The following MYO3B variants were observed in gnomAD, a reference collection of about 807,000 sequenced individuals.
MYO3B encodes the protein myosin IIIB.
A neutral mutation model predicts 174.6 loss-of-function variants in MYO3B; 156 were observed. That is an observed-to-expected ratio of 0.89 (90% CI 0.78 to 1.02). The LOEUF (loss-of-function observed/expected upper bound fraction) is 1.02, where lower values mean the gene tolerates loss of function less well. MYO3B is among the 50% of genes least tolerant of loss of function. The pLI, the probability that MYO3B is intolerant of heterozygous loss-of-function variation, is 0.00. For synonymous variants in MYO3B, 563 were observed against 569.1 expected, an observed-to-expected ratio of 0.99 and a Z score of 0.15; for missense variants, 1,632 against 1,639.4, an observed-to-expected ratio of 1.00 and a Z score of 0.08.
rs56257378 is a variant in MYO3B at position 170,476,073 on chromosome 2, T to TCC, written c.3014+9369_3014+9370dup. Among the ~76,000 whole-genome samples, 1,090 of 151,630 alleles carry TCC rather than the reference T, an allele frequency of 7.2e-3. 33 individuals carry two copies. The highest frequency in any genetic ancestry group is 0.047 in the Admixed American group (721 of 15,234). On this transcript the variant is annotated intron_variant, in intron 25 of 34. Coordinates refer to ENST00000408978, the MANE Select transcript of MYO3B (RefSeq NM_138995.5). ...CCTTTTGAAATGGGAGTGTTCCCTG[T>TCC]CCCCCCCCACAGGACATGCGACAAG...
At chr2:170,457,363 A>C (rs1683966583) in intron 23 of MYO3B, among the ~76,000 whole-genome samples, 1 of 152,148 alleles carries the variant, frequency 6.6e-6, no homozygotes, top group Non-Finnish European at 1.5e-5. Flanking sequence ...TGTCTAAAAG[A>C]CTTTTTCACT....
chr2:170,618,399 C>G (rs539500829), intron 32 of MYO3B, among the ~76,000 whole-genome samples: 2 of 152,254 alleles, frequency 1.3e-5, no homozygotes, highest in Admixed American at 1.3e-4. Flanking sequence ...ACAAGTTGTT[C>G]AGGATGGCTG....
chr2:170,371,680 A>G (rs2094245910), intron 9 of MYO3B, among the ~76,000 whole-genome samples: 1 of 129,250 alleles, frequency 7.7e-6, no homozygotes, highest in Non-Finnish European at 1.6e-5. Context: ...TGGTTTTTCA[A>G]GTTAAAGCAG....
intron 32 of MYO3B, among the ~76,000 whole-genome samples, chr2:170,560,565 G>A (rs899227057): frequency 2.0e-5 from 3 of 152,144 alleles, no homozygotes; most frequent in African/African-American, 7.2e-5. Context: ...TTAAATTGGT[G>A]CCAGTATTTT....
At chr2:170,303,392 C>G (rs2093678895) in intron 7 of MYO3B, among the ~76,000 whole-genome samples, 1 of 152,104 alleles carries the variant, frequency 6.6e-6, no homozygotes, top group Non-Finnish European at 1.5e-5. Context: ...AATCTCCATC[C>G]ATCTTATGGG....
chr2:170,476,182 G>T (rs1359276243), intron 25 of MYO3B, among the ~76,000 whole-genome samples: 1 of 152,228 alleles, frequency 6.6e-6, no homozygotes, highest in Non-Finnish European at 1.5e-5. Context: ...TGCAGGAGCT[G>T]GGACAAGCGC....
chr2:170,525,765 C>T (rs1688957583), intron 30 of MYO3B, among the ~76,000 whole-genome samples: 1 of 152,174 alleles, frequency 6.6e-6, no homozygotes, highest in Non-Finnish European at 1.5e-5. Flanking sequence ...AATTGATGAG[C>T]CAGAGAAACA....
At chr2:170,583,020 C>G (rs1220915186) in intron 32 of MYO3B, among the ~76,000 whole-genome samples, 1 of 152,012 alleles carries the variant, frequency 6.6e-6, no homozygotes, top group Non-Finnish European at 1.5e-5. Context: ...TCCCCCTGCC[C>G]TGGAGTGCTG....
At chr2:170,291,598 T>G (rs974377678) in intron 7 of MYO3B, among the ~76,000 whole-genome samples, 1 of 152,198 alleles carries the variant, frequency 6.6e-6, no homozygotes, top group Non-Finnish European at 1.5e-5. Flanking sequence ...TTATAATTTC[T>G]TGTAAAATAT....
chr2:170,521,160 ATAAAT>A (rs1328512149), intron 30 of MYO3B, among the ~76,000 whole-genome samples: 1 of 152,214 alleles, frequency 6.6e-6, no homozygotes, highest in African/African-American at 2.4e-5. Context: ...TTGAGACTTG[ATAAAT>A]TAAATTCTTA....
chr2:170,186,961 T>A (rs1436469070), intron 1 of MYO3B, among the ~76,000 whole-genome samples: 4 of 152,040 alleles, frequency 2.6e-5, no homozygotes, highest in African/African-American at 7.2e-5. Flanking sequence ...TGGTATCAGT[T>A]GTAATGTCTC....
chr2:170,253,914 G>C (rs1235950477), intron 7 of MYO3B, among the ~76,000 whole-genome samples: 1 of 152,066 alleles, frequency 6.6e-6, no homozygotes, highest in East Asian at 1.9e-4. Flanking sequence ...GCAGTGATAA[G>C]ACGGCTGATT....
At chr2:170,630,942 G>A (rs1290346417) in intron 32 of MYO3B, among the ~76,000 whole-genome samples, 1 of 152,348 alleles carries the variant, frequency 6.6e-6, no homozygotes, top group East Asian at 1.9e-4. Context: ...AAACCACAAA[G>A]ATGGGAAGAT....
intron 8 of MYO3B, among the ~76,000 whole-genome samples, chr2:170,360,389 G>A (rs1411051288): frequency 2.0e-5 from 3 of 152,072 alleles, no homozygotes; most frequent in Admixed American, 2.0e-4. Flanking sequence ...TTACCCAAAG[G>A]CATGAACTTG....
intron 7 of MYO3B, among the ~76,000 whole-genome samples, chr2:170,250,921 C>G (rs1159167841): frequency 6.6e-6 from 1 of 151,762 alleles, no homozygotes; most frequent in African/African-American, 2.4e-5. Flanking sequence ...CATTCGTCTG[C>G]TTGTCTGTGC....
intron 30 of MYO3B, among the ~76,000 whole-genome samples, chr2:170,527,721 G>A (rs1689094138): frequency 6.6e-6 from 1 of 152,218 alleles, no homozygotes; most frequent in African/African-American, 2.4e-5. Context: ...TTGGGCAAGT[G>A]TGTTTCTAAT....
At position 170,519,437 on chromosome 2, in the gene MYO3B, G is replaced by T. The variant is rs1688523163; in HGVS notation, c.3473-1G>T. The stretch of plus-strand genomic sequence containing the variant: ...CTTAGCCCTCCTTTCTTTTCTCTCA[G>T]TTCTCAGGGGCTCTGTACATCGTAG... On this transcript the variant is annotated splice_acceptor_variant, in intron 29 of 34. Coordinates refer to ENST00000408978, the MANE Select transcript of MYO3B (RefSeq NM_138995.5). LOFTEE classifies it high-confidence loss of function. 1 of 1,613,320 alleles carries T rather than the reference G, an allele frequency of 6.2e-7. No homozygotes were observed. Among genetic ancestry groups the T allele is most frequent in the South Asian group, 1.1e-5 (1 of 91,040 alleles).
chr2:170,601,641 T>C lies in MYO3B; in HGVS notation c.3734-49987T>C, dbSNP rs1694516142. ...ATCATCATCTTCTTCATCTTCCTCC[T>C]CATAATCCTCTTCATCTTCTGTCCT... On this transcript the variant is annotated intron_variant, in intron 32 of 34. Transcript: ENST00000408978. The C allele has an allele frequency of 2.3e-6, 3 of 1,321,042 alleles. No homozygotes were observed. In the South Asian group the frequency reaches 3.5e-5, roughly 16 times the overall value. 81.8% of individuals were successfully genotyped at this position (1,321,042 alleles called of 1,614,324 possible).
At chr2:170,376,547 T>C (rs1164643118) in intron 9 of MYO3B, among the ~76,000 whole-genome samples, 1 of 152,206 alleles carries the variant, frequency 6.6e-6, no homozygotes, top group Non-Finnish European at 1.5e-5. Flanking sequence ...GCTTTTGTCC[T>C]AGATTCTTGA....
Sources: allele counts gnomAD v4.1 joint callset (sites outside exome capture counted in the v4.1 genomes callset), GRCh38; gene constraint gnomAD v4.1.1; transcripts MANE v1.5; gene names NCBI Gene and HGNC (gene_info 2026-07-23, HGNC 2026-07-21).